STK3: variants seen among roughly 807,000 people sequenced by gnomAD.
STK3 encodes the protein serine/threonine kinase 3.
Under a neutral mutation model 58.0 loss-of-function variants are expected in STK3, and 41 were observed. The observed-to-expected ratio is 0.71, with a 90% CI of 0.55 to 0.92. The LOEUF (loss-of-function observed/expected upper bound fraction) is 0.92, where lower values mean the gene tolerates loss of function less well. Among genes scored for constraint, STK3 ranks in the 40% least tolerant of loss-of-function variants. The probability of loss-of-function intolerance (pLI) is 0.00; values close to 1 mark genes in which losing one functional copy is unlikely to be tolerated. For missense variants in STK3, 479 were observed against 602.7 expected (o/e 0.79, Z 2.15); for synonymous variants, 170 against 191.0 (o/e 0.89, Z 0.91).
In STK3 at chr8:98,613,120, G is replaced by A. The variant is rs541831896; in HGVS notation, c.685-16951C>T. The stretch of plus-strand genomic sequence containing the variant: ...ATCACCACTCTGACTCAGCAATAAT[G>A]AGGAGCCACTCCTGCTACTTGAGTA... On this transcript the variant is annotated intron_variant, in intron 6 of 10. Coordinates refer to ENST00000419617, the MANE Select transcript of STK3 (RefSeq NM_006281.4). 2.7e-4 allele frequency among the ~76,000 whole-genome samples: 41 copies of A among 152,308 alleles called. 1 individual carries two copies. The South Asian group carries it at 5.8e-3, about 22-fold the overall frequency.
At chr8:98,535,841 TC>T (rs1203423885) in intron 9 of STK3, among the ~76,000 whole-genome samples, 4 of 152,106 alleles carry the variant, frequency 2.6e-5, no homozygotes, top group African/African-American at 9.7e-5. Flanking sequence ...ATTTTAATCT[TC>T]TATAAAAACC....
At chr8:98,355,376 A>G in the STK3 span, among the ~76,000 whole-genome samples, 4 of 152,192 alleles carry the variant, frequency 2.6e-5, no homozygotes, top group African/African-American at 9.7e-5. Flanking sequence ...AAGCTCTCCA[A>G]CTGACATGCA....
chr8:98,589,315 C>A (rs1056724081), intron 7 of STK3, among the ~76,000 whole-genome samples: 1 of 152,190 alleles, frequency 6.6e-6, no homozygotes, highest in African/African-American at 2.4e-5. Flanking sequence ...TTCCTTCTAA[C>A]AGACAGGACC....
At chr8:98,731,133 C>T (rs1187486942) in intron 4 of STK3, among the ~76,000 whole-genome samples, 1 of 152,082 alleles carries the variant, frequency 6.6e-6, no homozygotes, top group Non-Finnish European at 1.5e-5. Context: ...ATATATAAGG[C>T]ACAAGTGAGT....
At chr8:98,574,303 C>T (rs1243007129) in intron 8 of STK3, among the ~76,000 whole-genome samples, 8 of 152,142 alleles carry the variant, frequency 5.3e-5, no homozygotes, top group Admixed American at 4.6e-4. Context: ...TGAGACTTGT[C>T]GATTTTGTAA....
intron 10 of STK3, among the ~76,000 whole-genome samples, chr8:98,515,257 T>C (rs1022516188): frequency 6.6e-6 from 1 of 152,124 alleles, no homozygotes; most frequent in Non-Finnish European, 1.5e-5. Flanking sequence ...CCATTACTCA[T>C]AGGATTACGG....
chr8:98,868,871 A>G (rs1837244468), intron 3 of STK3, among the ~76,000 whole-genome samples: 1 of 151,862 alleles, frequency 6.6e-6, no homozygotes, highest in African/African-American at 2.4e-5. Flanking sequence ...CAGCTACTCG[A>G]GAGGCTGAGG....
intron 6 of STK3, among the ~76,000 whole-genome samples, chr8:98,604,287 C>CT (rs1816601440): frequency 1.3e-5 from 2 of 152,336 alleles, no homozygotes; most frequent in Admixed American, 1.3e-4. Flanking sequence ...TCTCCTTTGA[C>CT]TCCATGTCCC....
intron 3 of STK3, among the ~76,000 whole-genome samples, chr8:98,855,026 C>T (rs887066856): frequency 2.0e-5 from 3 of 152,140 alleles, no homozygotes; most frequent in African/African-American, 7.2e-5. Context: ...CACTGCATTC[C>T]AGCCTGGGTG....
At chr8:98,636,458 T>C (rs528280389) in intron 6 of STK3, among the ~76,000 whole-genome samples, 2 of 152,312 alleles carry the variant, frequency 1.3e-5, no homozygotes, top group East Asian at 3.9e-4. Flanking sequence ...CGAAAGACTA[T>C]CATGTTAAAA....
chr8:98,784,085 T>C (rs777458207), intron 1 of STK3, among the ~76,000 whole-genome samples: 3 of 152,238 alleles, frequency 2.0e-5, no homozygotes, highest in African/African-American at 4.8e-5. Flanking sequence ...TTGTTTCTTC[T>C]AAGCCCTGGA....
intron 3 of STK3, among the ~76,000 whole-genome samples, chr8:98,852,382 C>A (rs1442596553): frequency 6.6e-6 from 1 of 152,138 alleles, no homozygotes; most frequent in Non-Finnish European, 1.5e-5. Context: ...GATCCACTCA[C>A]CCTGGCCTAC....
intron 4 of STK3, among the ~76,000 whole-genome samples, chr8:98,723,339 G>A (rs1251578189): frequency 1.3e-5 from 2 of 152,010 alleles, no homozygotes; most frequent in South Asian, 2.1e-4. Context: ...TTCATTGTAC[G>A]AAAACAAAAA....
At chr8:98,740,896 GAAGATCTACC>G (rs1224337643) in intron 4 of STK3, among the ~76,000 whole-genome samples, 1 of 152,118 alleles carries the variant, frequency 6.6e-6, no homozygotes, top group Non-Finnish European at 1.5e-5. Context: ...AAGGATGGAG[GAAGATCTACC>G]AAGCAAATGG....
intron 10 of STK3, chr8:98,526,529 T>TA (rs1474733682): frequency 8.8e-6 from 3 of 339,418 alleles, no homozygotes; most frequent in Admixed American, 9.6e-5. Context: ...TATTTAACTA[T>TA]AAAAAAGTAT....
intron 6 of STK3, among the ~76,000 whole-genome samples, chr8:98,696,821 T>C (rs1824989994): frequency 6.6e-6 from 1 of 152,198 alleles, no homozygotes; most frequent in Admixed American, 6.5e-5. Flanking sequence ...AAATTCTCTT[T>C]TTTGGTTGTG....
intron 7 of STK3, among the ~76,000 whole-genome samples, chr8:98,584,148 G>A (rs1367432357): frequency 6.6e-6 from 1 of 150,598 alleles, no homozygotes; most frequent in Non-Finnish European, 1.5e-5. Flanking sequence ...TGCACATTGT[G>A]CAGGTTAGTT....
At chr8:98,520,699 C>T (rs568802710) in intron 10 of STK3, among the ~76,000 whole-genome samples, 61 of 151,934 alleles carry the variant, frequency 4.0e-4, no homozygotes, top group African/African-American at 1.4e-3. Context: ...TTCTAGAAGG[C>T]GGCCTCGAGA....
intron 3 of STK3, among the ~76,000 whole-genome samples, chr8:98,760,416 A>G (rs1303061450): frequency 2.6e-5 from 4 of 152,214 alleles, no homozygotes; most frequent in Non-Finnish European, 5.9e-5. Flanking sequence ...CTGGAATTAC[A>G]GGCGTGAGCC....
Sources: allele counts gnomAD v4.1 joint callset (sites outside exome capture counted in the v4.1 genomes callset), GRCh38; gene constraint gnomAD v4.1.1; transcripts MANE v1.5; gene names NCBI Gene and HGNC (gene_info 2026-07-23, HGNC 2026-07-21).